TMEM45A: variants seen among roughly 807,000 people sequenced by gnomAD.
TMEM45A encodes the protein DNA polymerase-transactivated protein 4.
Under a neutral mutation model 32.0 loss-of-function variants are expected in TMEM45A, and 25 were observed. That is an observed-to-expected ratio of 0.78 (90% CI 0.57 to 1.09). TMEM45A has a LOEUF of 1.09. Ranked by LOEUF, TMEM45A falls within the 50% of genes least tolerant of loss-of-function variation. The pLI, the probability that TMEM45A is intolerant of heterozygous loss-of-function variation, is 0.00. For missense variants in TMEM45A, 302 were observed against 325.0 expected (o/e 0.93, Z 0.54); for synonymous variants, 122 against 114.8 (o/e 1.06, Z -0.40).
chr3:100,566,434 C>CA (rs1485494824), intron 4 of TMEM45A, among the ~76,000 whole-genome samples: 2 of 152,056 alleles, frequency 1.3e-5, no homozygotes, highest in African/African-American at 4.8e-5. Context: ...AAATGAAATT[C>CA]AAAACCAAGA....
intron 1 of TMEM45A, among the ~76,000 whole-genome samples, chr3:100,549,364 T>C (rs1434574360): frequency 6.6e-6 from 1 of 152,234 alleles, no homozygotes; most frequent in Non-Finnish European, 1.5e-5. Context: ...ATCTATTATG[T>C]TACTGCTGCT....
At chr3:100,514,599 TG>T (rs1708228608) in intron 1 of TMEM45A, among the ~76,000 whole-genome samples, 1 of 151,950 alleles carries the variant, frequency 6.6e-6, no homozygotes. Context: ...CCAAAAGCAA[TG>T]GCAACAAAAG....
At chr3:100,569,552 A>C (rs1041383511) in intron 5 of TMEM45A, among the ~76,000 whole-genome samples, 1 of 152,246 alleles carries the variant, frequency 6.6e-6, no homozygotes, top group Admixed American at 6.5e-5. Context: ...ATTTATCAGC[A>C]GTATGACTTT....
At chr3:100,523,427 G>T (rs1705474771) in intron 1 of TMEM45A, among the ~76,000 whole-genome samples, 1 of 152,168 alleles carries the variant, frequency 6.6e-6, no homozygotes, top group African/African-American at 2.4e-5. Flanking sequence ...GCTGGGTACT[G>T]GGAATATAAA....
intron 1 of TMEM45A, among the ~76,000 whole-genome samples, chr3:100,506,209 C>T (rs954166286): frequency 6.6e-6 from 1 of 152,192 alleles, no homozygotes; most frequent in African/African-American, 2.4e-5. Context: ...TCAGGAGGGC[C>T]TTGCCTCAGT....
At chr3:100,493,962 C>T (rs966957850) in intron 1 of TMEM45A, among the ~76,000 whole-genome samples, 1 of 152,140 alleles carries the variant, frequency 6.6e-6, no homozygotes, top group African/African-American at 2.4e-5. Context: ...GAACTCCTGA[C>T]CTCAGGTTAT....
At chr3:100,533,378 C>G (rs1705683804) in intron 1 of TMEM45A, among the ~76,000 whole-genome samples, 1 of 152,158 alleles carries the variant, frequency 6.6e-6, no homozygotes, top group African/African-American at 2.4e-5. Context: ...AGAATCACGG[C>G]TCTAGTAGAC....
intron 1 of TMEM45A, among the ~76,000 whole-genome samples, chr3:100,511,771 G>A (rs867671405): frequency 4.5e-4 from 68 of 152,136 alleles, no homozygotes; most frequent in African/African-American, 1.5e-3. Flanking sequence ...ATAAAAGGAT[G>A]GAGGAAGATC....
intron 1 of TMEM45A, among the ~76,000 whole-genome samples, chr3:100,501,234 TAC>T (rs1708004182): frequency 1.3e-5 from 2 of 152,254 alleles, no homozygotes; most frequent in South Asian, 4.1e-4. Context: ...TTGAGAATTC[TAC>T]AGACTAGTCC....
chr3:100,558,111 C>T (rs1706259471), intron 3 of TMEM45A, among the ~76,000 whole-genome samples: 1 of 152,092 alleles, frequency 6.6e-6, no homozygotes, highest in Non-Finnish European at 1.5e-5. Flanking sequence ...GATATTCATT[C>T]AAAAATACAG....
intron 1 of TMEM45A, among the ~76,000 whole-genome samples, chr3:100,500,069 T>C (rs1707988887): frequency 6.6e-6 from 1 of 152,150 alleles, no homozygotes; most frequent in Admixed American, 6.5e-5. Context: ...AAGTAATGGT[T>C]CCCCTTCTAT....
At chr3:100,554,313 G>C (rs1008118786) in intron 1 of TMEM45A, among the ~76,000 whole-genome samples, 1 of 152,134 alleles carries the variant, frequency 6.6e-6, no homozygotes, top group African/African-American at 2.4e-5. Flanking sequence ...GTGGGGCTAA[G>C]GTGTTTTAAC....
At position 100,558,435 on chromosome 3, in the gene TMEM45A, G is replaced by A. The variant is rs201803242; in HGVS notation, c.434G>A (p.Arg145Gln). The A allele has an allele frequency of 8.1e-6, 13 of 1,613,788 alleles. No homozygotes were observed. The highest frequency in any genetic ancestry group is 2.2e-5 in the East Asian group (1 of 44,880). ...ATCTTCTACAACCACACTCATGGCC[G>A]GGAAATGCTGGACATCTTTGTGCAC... ...AFIFYNHTHG[R>Q]EMLDIFVHQL... The change falls in exon 4 of 6, where the codon CGG becomes CAG. Residue 145 changes from arginine (R) to glutamine (Q), a missense_variant. Arg to Gln is a conservative substitution (Grantham distance 43). Coordinates refer to ENST00000323523, the MANE Select transcript of TMEM45A (RefSeq NM_018004.3).
chr3:100,496,217 G>A (rs930912040), intron 1 of TMEM45A, among the ~76,000 whole-genome samples: 4 of 151,998 alleles, frequency 2.6e-5, no homozygotes, highest in East Asian at 1.9e-4. Flanking sequence ...TCTTCTCCCC[G>A]GATCCCTGGA....
chr3:100,562,793 A>G (rs1409383541), intron 4 of TMEM45A, among the ~76,000 whole-genome samples: 14 of 152,180 alleles, frequency 9.2e-5, no homozygotes, highest in African/African-American at 3.1e-4. Flanking sequence ...TGGGAAAAAT[A>G]TATGCTATAA....
At chr3:100,536,924 G>T (rs547254854) in intron 1 of TMEM45A, among the ~76,000 whole-genome samples, 1 of 152,162 alleles carries the variant, frequency 6.6e-6, no homozygotes, top group Non-Finnish European at 1.5e-5. Flanking sequence ...GAAGGAGGAA[G>T]TGGGGATTTT....
intron 1 of TMEM45A, 51 bp from the exon 2 acceptor site, chr3:100,555,158 G>A (rs1706188063): frequency 6.7e-7 from 1 of 1,492,088 alleles, no homozygotes; most frequent in Admixed American, 2.0e-5. Context: ...GTTTTGTCCA[G>A]ATTCTGGCAA....
chr3:100,555,269 TG>T lies in TMEM45A; in HGVS notation c.60del (p.Trp20CysfsTer8). On this transcript the variant is annotated frameshift_variant, in exon 2 of 6. Transcript: ENST00000323523. LOFTEE classifies it high-confidence loss of function. ...AACCTTCTTTTTTATTATTGGTCTT[TG>T]GTGGTGTACAAAGAGTATTCTGAAG... ...PGTFFFIIGL[W>X]WCTKSILKYI... 6.2e-7 allele frequency: 1 copy of T among 1,613,678 alleles called. No individual in the cohort carries two copies. Among genetic ancestry groups the T allele is most frequent in the South Asian group, 1.1e-5 (1 of 90,986 alleles).
chr3:100,508,818 A>C (rs932025299), intron 1 of TMEM45A, among the ~76,000 whole-genome samples: 6 of 152,128 alleles, frequency 3.9e-5, no homozygotes, highest in African/African-American at 9.7e-5. Flanking sequence ...TAAAAAAAAA[A>C]AACTCAAAAT....
Sources: gnomAD v4.1 joint callset for allele counts (sites outside exome capture counted in the v4.1 genomes callset) on GRCh38, gnomAD v4.1.1 for gene constraint, MANE v1.5 for transcripts, NCBI Gene and HGNC (gene_info 2026-07-23, HGNC 2026-07-21) for gene names.